Variants in MORC4 observed in about 807,000 individuals in gnomAD.
MORC4 encodes the protein MORC family CW-type zinc finger protein 4.
MORC4 carries 22 observed loss-of-function variants against 65.5 expected under a neutral mutation model. That is an observed-to-expected ratio of 0.34 (90% CI 0.24 to 0.48). The LOEUF (loss-of-function observed/expected upper bound fraction) is 0.48, where lower values mean the gene tolerates loss of function less well. Ranked by LOEUF, MORC4 falls within the 20% of genes least tolerant of loss-of-function variation. MORC4 has a pLI of 0.99. For synonymous variants in MORC4, 267 were observed against 255.8 expected (o/e 1.04, Z -0.42); for missense variants, 624 against 703.0 (o/e 0.89, Z 1.27).
intron 14 of MORC4, among the ~76,000 whole-genome samples, chrX:106,952,923 T>C (rs1213694608): frequency 8.9e-6 from 1 of 112,169 alleles, no homozygotes; most frequent in African/African-American, 3.2e-5. Flanking sequence ...GCCCAATCAA[T>C]GTGATTCCCT....
intron 9 of MORC4, among the ~76,000 whole-genome samples, chrX:106,971,672 T>C (rs1934513932): frequency 8.9e-6 from 1 of 112,180 alleles, no homozygotes; most frequent in African/African-American, 3.2e-5. Flanking sequence ...GAACAGACAC[T>C]TCTCAAAAGA....
intron 9 of MORC4, among the ~76,000 whole-genome samples, chrX:106,974,938 G>C (rs1934592814): frequency 9.0e-6 from 1 of 111,714 alleles, no homozygotes; most frequent in African/African-American, 3.2e-5. Flanking sequence ...ACGCAGAATA[G>C]TATACTAGTT....
intron 2 of MORC4, among the ~76,000 whole-genome samples, chrX:106,995,171 AACT>A (rs1205474085): frequency 2.8e-5 from 3 of 108,938 alleles, no homozygotes; most frequent in Non-Finnish European, 5.7e-5. Flanking sequence ...AGCCTTTAGT[AACT>A]ACTATTCCAC....
Position 106,985,261 on chromosome X carries a change from C to A in MORC4, c.527-18G>T, listed in dbSNP as rs1396016912. On this transcript the variant is annotated intron_variant, in intron 4 of 16. Coordinates refer to ENST00000355610, the MANE Select transcript of MORC4 (RefSeq NM_024657.5). ...CATTTTTTGTAAAATCAAATATAGT[C>A]AAAGAAAAAATAATATCTTAGGATG... The A allele has an allele frequency of 1.8e-6, 2 of 1,093,367 alleles. No individual in the cohort carries two copies. The highest frequency in any genetic ancestry group is 1.2e-6 in the Non-Finnish European group (1 of 814,622). The allele number at this position is 1,093,367 out of a possible 1,213,427, so 90.1% of individuals were successfully genotyped here.
chrX:106,951,000 T>A (rs1299367447), intron 14 of MORC4, among the ~76,000 whole-genome samples: 1 of 112,217 alleles, frequency 8.9e-6, no homozygotes, highest in East Asian at 2.8e-4. Context: ...AACACTGATT[T>A]TTTTTAAATA....
chrX:106,952,861 T>C (rs751159966), intron 14 of MORC4, among the ~76,000 whole-genome samples: 4 of 111,800 alleles, frequency 3.6e-5, no homozygotes, highest in Non-Finnish European at 7.5e-5. Flanking sequence ...ATCCTATATA[T>C]TTTACTAGAC....
chrX:106,980,388 C>T (rs1468196321), intron 7 of MORC4, among the ~76,000 whole-genome samples: 5 of 110,789 alleles, frequency 4.5e-5, no homozygotes, highest in Non-Finnish European at 9.5e-5. Context: ...TTAATTTCCA[C>T]CCTCCTAATT....
intron 9 of MORC4, among the ~76,000 whole-genome samples, chrX:106,975,372 T>C (rs754329752): frequency 9.0e-6 from 1 of 111,350 alleles, no homozygotes; most frequent in Non-Finnish European, 1.9e-5. Context: ...TACATTTAAA[T>C]GACCATTTTA....
At chrX:106,984,067 T>C (rs1317306909) in intron 5 of MORC4, among the ~76,000 whole-genome samples, 1 of 111,021 alleles carries the variant, frequency 9.0e-6, no homozygotes, top group Non-Finnish European at 1.9e-5. Flanking sequence ...GGTGGATCAC[T>C]TGAGGTCAGG....
At position 106,966,433 on chromosome X, in the gene MORC4, T is replaced by C. The variant is rs375756284; in HGVS notation, c.1158-4323A>G. Among the ~76,000 whole-genome samples the C allele has an allele frequency of 3.8e-4, 43 of 112,376 alleles. 2 individuals are homozygous for C. The highest frequency in any genetic ancestry group is 3.1e-3 in the East Asian group (11 of 3,558). ...ACCTGGTTCATCTCATTGGGACTGG[T>C]TGAAGAGTGGGTGCAGACCATGGAG... On this transcript the variant is annotated intron_variant, in intron 9 of 16. Coordinates refer to ENST00000355610, the MANE Select transcript of MORC4 (RefSeq NM_024657.5).
Position 106,941,604 on chromosome X carries a change from T to C in MORC4, c.2689A>G (p.Ile897Val), listed in dbSNP as rs1284406230. The change falls in exon 17 of 17, where the codon ATC (isoleucine) becomes GTC (valine). Residue 897 changes from isoleucine to valine, a missense_variant. Transcript: ENST00000355610. ...RALAKLTRLR[I>V]HVSYLLTSVL... ...GAAGTAAGGAGATAGCTGACGTGGA[T>C]ACGTAGCCGCGTAAGCTTTGCCAAA... 3 of 1,210,635 alleles carry C rather than the reference T, an allele frequency of 2.5e-6. No individual in the cohort carries two copies. The highest frequency in any genetic ancestry group is 2.2e-5 in the Admixed American group (1 of 45,927).
Position 106,942,674 on chromosome X carries a change from T to G in MORC4, c.2217A>C (p.Ala739=), listed in dbSNP as rs748589512. The stretch of plus-strand genomic sequence containing the variant: ...TCTCCCCAATGGCTGCAGCAGGGAT[T>G]GCAGCAGAGGCCACAGAATAAGGCA... ...NPVPYSVASA[A]IPAAAIGEKA... The change falls in exon 15 of 17, where the codon GCA becomes GCC. Residue 739 remains alanine (A), a synonymous_variant. Transcript: ENST00000355610. 65 of 1,209,859 alleles carry G rather than the reference T, an allele frequency of 5.4e-5. No individual in the cohort carries two copies. The highest frequency in any genetic ancestry group is 7.1e-5 in the Non-Finnish European group (64 of 895,205).
At chrX:106,954,810 A>C in intron 14 of MORC4, 103 bp downstream of exon 14, 69 of 696,546 alleles carry the variant, frequency 9.9e-5, no homozygotes, top group Non-Finnish European at 1.4e-4. Context: ...ATTCCATGCT[A>C]GGCCTTAGAA....
intron 3 of MORC4, among the ~76,000 whole-genome samples, chrX:106,988,214 C>T (rs1268177400): frequency 9.0e-6 from 1 of 111,683 alleles, no homozygotes; most frequent in Admixed American, 9.5e-5. Context: ...TATCGTTAAC[C>T]GGACTTCAAC....
rs979636916 is a variant in MORC4 at position 106,992,045 on chromosome X, G to T, written c.308+1185C>A. Among the ~76,000 whole-genome samples, 3 of 111,696 alleles carry T rather than the reference G, an allele frequency of 2.7e-5. No individual in the cohort carries two copies. In the South Asian group the frequency reaches 1.1e-3, roughly 42 times the overall value. On this transcript the variant is annotated intron_variant, in intron 3 of 16. Coordinates refer to ENST00000355610, the MANE Select transcript of MORC4 (RefSeq NM_024657.5). ...AATATTAACTTCAGGATATAAAACT[G>T]ATGTTATAAGTTAAAGGATTGGGCC...
intron 5 of MORC4, among the ~76,000 whole-genome samples, chrX:106,982,538 T>C (rs984779106): frequency 3.6e-5 from 4 of 111,706 alleles, no homozygotes; most frequent in Non-Finnish European, 7.5e-5. Flanking sequence ...CCAATGCATA[T>C]GCCCTGAGGA....
intron 13 of MORC4, among the ~76,000 whole-genome samples, chrX:106,956,243 G>A (rs1407017912): frequency 8.9e-6 from 1 of 112,090 alleles, no homozygotes; most frequent in Non-Finnish European, 1.9e-5. Context: ...ATACTGTCCA[G>A]AGTCAGTACT....
intron 9 of MORC4, among the ~76,000 whole-genome samples, chrX:106,968,230 A>T (rs755381041): frequency 7.2e-5 from 8 of 111,373 alleles, no homozygotes; most frequent in African/African-American, 2.6e-4. Context: ...TTCATAAGTG[A>T]AGGAGAAATA....
intron 3 of MORC4, among the ~76,000 whole-genome samples, chrX:106,987,986 T>A (rs1343546963): frequency 2.7e-5 from 3 of 111,257 alleles, no homozygotes; most frequent in Non-Finnish European, 5.7e-5. Context: ...AATTGGCTTT[T>A]AAAAAAAATG....
Sources: gnomAD v4.1 joint callset for allele counts (sites outside exome capture counted in the v4.1 genomes callset) on GRCh38, gnomAD v4.1.1 for gene constraint, MANE v1.5 for transcripts, NCBI Gene and HGNC (gene_info 2026-07-23, HGNC 2026-07-21) for gene names.